The following CHST12 variants were observed in gnomAD, a reference collection of about 807,000 sequenced individuals.
CHST12 encodes the protein carbohydrate (chondroitin 4) sulfotransferase 12.
Under a neutral mutation model 27.9 loss-of-function variants are expected in CHST12, and 23 were observed. That is an observed-to-expected ratio of 0.82 (90% CI 0.59 to 1.17). The LOEUF (loss-of-function observed/expected upper bound fraction) is 1.17. Among genes scored for constraint, CHST12 ranks in the 50% most tolerant of loss-of-function variants. The pLI, the probability that CHST12 is intolerant of heterozygous loss-of-function variation, is 0.00. For missense variants in CHST12, 682 were observed against 603.0 expected (o/e 1.13, Z -1.37); for synonymous variants, 322 against 273.0 (o/e 1.18, Z -1.77).
intron 1 of CHST12, among the ~76,000 whole-genome samples, chr7:2,419,454 C>G (rs984861417): frequency 2.0e-5 from 3 of 150,712 alleles, no homozygotes; most frequent in South Asian, 4.2e-4. Flanking sequence ...CGCCTGTAAT[C>G]CCAGCACTTT....
intron 1 of CHST12, among the ~76,000 whole-genome samples, chr7:2,416,784 G>A (rs1781819640): frequency 1.3e-5 from 2 of 152,220 alleles, no homozygotes; most frequent in African/African-American, 4.8e-5. Flanking sequence ...AGTAGGCAAT[G>A]AGGCCAGTGG....
chr7:2,419,968 CTT>C (rs869252983), intron 1 of CHST12, among the ~76,000 whole-genome samples: 3 of 81,382 alleles, frequency 3.7e-5, no homozygotes, highest in African/African-American at 1.5e-4. Context: ...AAATATTTGT[CTT>C]TTTTTTTTTT....
In CHST12 at chr7:2,434,108, G is replaced by GCCCA; in HGVS notation, c.*228_*231dup. The GCCCA allele has an allele frequency of 2.7e-6, 1 of 369,034 alleles. No individual in the cohort carries two copies. Among genetic ancestry groups the GCCCA allele is most frequent in the Non-Finnish European group, 4.8e-6 (1 of 208,368 alleles). 22.9% of individuals were successfully genotyped at this position (369,034 alleles called of 1,614,324 possible). ...AAAATATCCCCTCTCCCCTCCGCCCGCCCACCCGCCCGCCCGCTCGCCCGC... is the reference window on the plus strand; with the variant it reads ...AAAATATCCCCTCTCCCCTCCGCCCGCCCACCCACCCGCCCGCCCGCTCGCCCGC... On this transcript the variant is annotated 3_prime_UTR_variant, in exon 2 of 2. Coordinates refer to ENST00000618655, the MANE Select transcript of CHST12 (RefSeq NM_018641.5).
chr7:2,425,773 T>C (rs1285124574), intron 1 of CHST12, among the ~76,000 whole-genome samples: 1 of 152,080 alleles, frequency 6.6e-6, no homozygotes, highest in Non-Finnish European at 1.5e-5. Context: ...TGCTGTCTAT[T>C]TGATCTTTAT....
chr7:2,433,192 C>T lies in CHST12; in HGVS notation c.553C>T (p.Leu185=), dbSNP rs1782345380. The T allele has an allele frequency of 1.2e-6, 2 of 1,612,894 alleles. No homozygotes were observed. Among genetic ancestry groups the T allele is most frequent in the South Asian group, 2.2e-5 (2 of 91,060 alleles). The change falls in exon 2 of 2, where the codon CTG becomes TTG. Residue 185 remains leucine (L), a synonymous_variant. Coordinates refer to ENST00000618655, the MANE Select transcript of CHST12 (RefSeq NM_018641.5). This position sits in a 1 kb window ranked among gnomAD's most constrained non-coding sequence, Gnocchi z 6.1. ...CTNWKRVMIV[L]SGSLLHRGAP... ...CAACTGGAAGCGCGTGATGATCGTG[C>T]TGAGCGGAAGCCTGCTGCACCGCGG...
At chr7:2,413,844 T>C (rs1781734018) in intron 1 of CHST12, among the ~76,000 whole-genome samples, 1 of 148,610 alleles carries the variant, frequency 6.7e-6, no homozygotes, top group Non-Finnish European at 1.5e-5. Flanking sequence ...TTCTCCTGCC[T>C]CAGCCTCCCG....
intron 1 of CHST12, among the ~76,000 whole-genome samples, chr7:2,416,744 G>GGAGGGGAA (rs1009177585): frequency 6.6e-6 from 1 of 152,318 alleles, no homozygotes; most frequent in South Asian, 2.1e-4. Context: ...AAAGTAGGCA[G>GGAGGGGAA]GAGGGGAAGA....
intron 1 of CHST12, among the ~76,000 whole-genome samples, chr7:2,424,871 T>G (rs1562516087): frequency 6.6e-6 from 1 of 152,046 alleles, no homozygotes; most frequent in Non-Finnish European, 1.5e-5. Context: ...GAGCCTGTTG[T>G]AATCAGGGTG....
intron 1 of CHST12, among the ~76,000 whole-genome samples, chr7:2,409,441 CCT>C (rs1288311707): frequency 6.6e-6 from 1 of 152,028 alleles, no homozygotes. Flanking sequence ...ATGGCGAAAC[CCT>C]GTCTCTACTG....
chr7:2,428,912 C>T (rs532716595), intron 1 of CHST12, among the ~76,000 whole-genome samples: 1 of 152,166 alleles, frequency 6.6e-6, no homozygotes, highest in African/African-American at 2.4e-5. Flanking sequence ...CTAAAGAGGC[C>T]TAGAAGAGCC....
rs1279809927 is a variant in CHST12 at position 2,433,686 on chromosome 7, C to T, written c.1047C>T (p.Ala349=). ...AGCTGGAGACTCTGGACGAGGACGCCGCGCAGCTGCTGCAGCTACTCCAGG... is the reference window on the plus strand; with the variant it reads ...AGCTGGAGACTCTGGACGAGGACGCTGCGCAGCTGCTGCAGCTACTCCAGG... ...VGKLETLDED[A]AQLLQLLQVD... is the part of the protein sequence containing the mutation. The change falls in exon 2 of 2, where the codon GCC becomes GCT. Residue 349 remains alanine (A), a synonymous_variant. Coordinates refer to ENST00000618655, the MANE Select transcript of CHST12 (RefSeq NM_018641.5). This position sits in a 1 kb window ranked among gnomAD's most constrained non-coding sequence, Gnocchi z 6.1. 1.2e-6 allele frequency: 2 copies of T among 1,613,298 alleles called. No homozygotes were observed. The highest frequency in any genetic ancestry group is 1.3e-5 in the African/African-American group (1 of 74,932).
intron 1 of CHST12, among the ~76,000 whole-genome samples, chr7:2,410,720 C>T (rs973609104): frequency 6.6e-6 from 1 of 151,948 alleles, no homozygotes; most frequent in African/African-American, 2.4e-5. Flanking sequence ...AGAGGCCCAG[C>T]AGCAGGAGCC....
Position 2,435,371 on chromosome 7 carries a change from G to C in CHST12, c.*1487G>C, listed in dbSNP as rs994314136. ...CAGTGTCACCAAGAAGAGGCTCCGT[G>C]TGACTGTCTCTGTGGCTTTCTGGTT... On this transcript the variant is annotated 3_prime_UTR_variant, in exon 2 of 2. Transcript: ENST00000618655. 11 of 152,232 alleles carry C rather than the reference G, an allele frequency of 7.2e-5. No homozygotes were observed. The highest frequency in any genetic ancestry group is 2.4e-4 in the African/African-American group (10 of 41,436). The allele number at this position is 152,232 out of a possible 1,614,324, so 9.4% of individuals were successfully genotyped here. A position where few individuals can be genotyped will look rare whatever the true frequency, so the allele number is the denominator to read the frequency against.
At chr7:2,431,217 T>C (rs1000998595) in intron 1 of CHST12, among the ~76,000 whole-genome samples, 1 of 152,242 alleles carries the variant, frequency 6.6e-6, no homozygotes, top group African/African-American at 2.4e-5. Flanking sequence ...TTCCTGGGGA[T>C]TGAACTGTTT....
chr7:2,428,831 C>G (rs918130563), intron 1 of CHST12, among the ~76,000 whole-genome samples: 2 of 152,140 alleles, frequency 1.3e-5, no homozygotes, highest in African/African-American at 4.8e-5. Flanking sequence ...TACAAACAAT[C>G]CATAGAAACA....
intron 1 of CHST12, among the ~76,000 whole-genome samples, chr7:2,427,784 T>C (rs1031866088): frequency 2.6e-5 from 4 of 152,194 alleles, no homozygotes; most frequent in African/African-American, 9.7e-5. Flanking sequence ...GAGCCGTTCT[T>C]GCATACCCTA....
intron 1 of CHST12, among the ~76,000 whole-genome samples, chr7:2,409,476 A>T (rs774322190): frequency 4.6e-5 from 7 of 151,948 alleles, no homozygotes; most frequent in Non-Finnish European, 7.4e-5. Flanking sequence ...TTAGCCAGAC[A>T]TGGTGGCCTG....
At chr7:2,428,362 T>C (rs1270021170) in intron 1 of CHST12, among the ~76,000 whole-genome samples, 5 of 152,026 alleles carry the variant, frequency 3.3e-5, no homozygotes, top group Non-Finnish European at 7.4e-5. Flanking sequence ...GCCCAGCTAA[T>C]TTTTTGTATT....
chr7:2,424,329 G>A (rs1782050697), intron 1 of CHST12, among the ~76,000 whole-genome samples: 1 of 151,708 alleles, frequency 6.6e-6, no homozygotes, highest in East Asian at 2.0e-4. Flanking sequence ...GTGAGACCCT[G>A]ACTCTAAAGA....
Sources: allele counts gnomAD v4.1 joint callset (sites outside exome capture counted in the v4.1 genomes callset), GRCh38; gene constraint gnomAD v4.1.1; non-coding constraint Gnocchi (gnomAD v3.1); transcripts MANE v1.5; gene names NCBI Gene and HGNC (gene_info 2026-07-23, HGNC 2026-07-21).